CCBE1: variants seen among roughly 807,000 people sequenced by gnomAD.
The protein encoded by CCBE1 is collagen and calcium binding EGF domains 1.
A neutral mutation model predicts 50.0 loss-of-function variants in CCBE1; 37 were observed. That is an observed-to-expected ratio of 0.74 (90% CI 0.57 to 0.97). The LOEUF (loss-of-function observed/expected upper bound fraction) is 0.97. Ranked by LOEUF, CCBE1 falls within the 50% of genes least tolerant of loss-of-function variation. The probability of loss-of-function intolerance (pLI) is 0.00; values close to 1 mark genes in which losing one functional copy is unlikely to be tolerated. For missense variants in CCBE1, 538 were observed against 523.8 expected, an observed-to-expected ratio of 1.03 and a Z score of -0.26; for synonymous variants, 234 against 203.7, an observed-to-expected ratio of 1.15 and a Z score of -1.27.
At chr18:59,584,413 A>G (rs1401506046) in intron 2 of CCBE1, among the ~76,000 whole-genome samples, 3 of 151,668 alleles carry the variant, frequency 2.0e-5, no homozygotes, top group East Asian at 1.9e-4. Context: ...TGACGAGTTA[A>G]TGGGTGCAGC....
At chr18:59,560,561 A>C (rs536363529) in intron 2 of CCBE1, among the ~76,000 whole-genome samples, 1 of 152,206 alleles carries the variant, frequency 6.6e-6, no homozygotes, top group Non-Finnish European at 1.5e-5. Context: ...GCACATGTAT[A>C]CCTATGTAAC....
At chr18:59,613,268 G>T (rs538072807) in intron 2 of CCBE1, among the ~76,000 whole-genome samples, 2 of 152,158 alleles carry the variant, frequency 1.3e-5, no homozygotes, top group Non-Finnish European at 2.9e-5. Context: ...CAGTTAAGCC[G>T]TGTCAAGGTA....
chr18:59,578,486 G>A (rs191741210), intron 2 of CCBE1, among the ~76,000 whole-genome samples: 11 of 152,120 alleles, frequency 7.2e-5, no homozygotes, highest in African/African-American at 2.7e-4. Flanking sequence ...TACTATAAAG[G>A]CACATACACA....
chr18:59,446,227 G>A (rs1454164733), intron 7 of CCBE1, among the ~76,000 whole-genome samples: 1 of 152,238 alleles, frequency 6.6e-6, no homozygotes, highest in Non-Finnish European at 1.5e-5. Flanking sequence ...CAGCATTGGA[G>A]AAGAAAGCTT....
chr18:59,694,746 G>A (rs1201731289), intron 2 of CCBE1, among the ~76,000 whole-genome samples: 2 of 152,126 alleles, frequency 1.3e-5, no homozygotes, highest in African/African-American at 4.8e-5. Context: ...GTAGATTATA[G>A]AAACAGGATA....
intron 2 of CCBE1, among the ~76,000 whole-genome samples, chr18:59,695,818 C>G (rs2054796986): frequency 6.6e-6 from 1 of 152,206 alleles, no homozygotes; most frequent in Non-Finnish European, 1.5e-5. Flanking sequence ...TTACCTTGTA[C>G]AGCGCCTCTA....
Position 59,697,255 on chromosome 18 carries a change from C to T in CCBE1, c.88G>A (p.Gly30Arg), listed in dbSNP as rs1300815604. The T allele has an allele frequency of 6.5e-7, 1 of 1,549,298 alleles. No homozygotes were observed. The highest frequency in any genetic ancestry group is 8.7e-7 in the Non-Finnish European group (1 of 1,146,730). Residue 30 changes from glycine (G) to arginine (R), a missense_variant, in exon 1 of 11, where the codon GGA becomes AGA. Transcript: ENST00000439986. The stretch of plus-strand genomic sequence containing the variant: ...TCCTCTCTGTAGGTCCACGTGTGTC[C>T]CAACGCCAGGAGCAGCAGCAGCGGA... ...LGPLLLLLAL[G>R]HTWTYREEPE... is the part of the protein sequence containing the mutation.
intron 2 of CCBE1, among the ~76,000 whole-genome samples, chr18:59,508,134 GC>G (rs1913966188): frequency 6.6e-6 from 1 of 151,410 alleles, no homozygotes; most frequent in South Asian, 2.1e-4. Context: ...CTCATGATCC[GC>G]CCGCCTCGGC....
At chr18:59,494,971 T>G (rs1913279821) in intron 2 of CCBE1, among the ~76,000 whole-genome samples, 1 of 152,102 alleles carries the variant, frequency 6.6e-6, no homozygotes. Flanking sequence ...CTGGCCAACA[T>G]GGTAAAACCC....
chr18:59,670,528 C>T (rs921797546), intron 2 of CCBE1, among the ~76,000 whole-genome samples: 3 of 152,184 alleles, frequency 2.0e-5, no homozygotes, highest in African/African-American at 4.8e-5. Context: ...AGTAATAGGA[C>T]GGCCCATTGC....
intron 2 of CCBE1, among the ~76,000 whole-genome samples, chr18:59,537,401 T>C (rs950359382): frequency 9.2e-5 from 14 of 152,156 alleles, no homozygotes; most frequent in Middle Eastern, 3.2e-3. Flanking sequence ...TGAAAGATAA[T>C]TGAATCACGG....
At chr18:59,546,530 G>T (rs903138245) in intron 2 of CCBE1, among the ~76,000 whole-genome samples, 1 of 152,206 alleles carries the variant, frequency 6.6e-6, no homozygotes, top group Non-Finnish European at 1.5e-5. Context: ...TGCAGGAAAG[G>T]CCATATGAAG....
chr18:59,626,648 C>G (rs1433763401), intron 2 of CCBE1, among the ~76,000 whole-genome samples: 1 of 152,264 alleles, frequency 6.6e-6, no homozygotes, highest in African/African-American at 2.4e-5. Flanking sequence ...CCCAGAGAGG[C>G]TTATCACCTG....
intron 3 of CCBE1, 95 bp from the exon 4 acceptor site, chr18:59,469,702 C>G (rs146483021): frequency 1.3e-6 from 2 of 1,523,910 alleles, no homozygotes; most frequent in Non-Finnish European, 9.0e-7. Flanking sequence ...GGGCTCTGCT[C>G]AAGGGCACGT....
intron 2 of CCBE1, among the ~76,000 whole-genome samples, chr18:59,612,189 C>G (rs879374125): frequency 6.6e-6 from 1 of 151,812 alleles, no homozygotes; most frequent in Non-Finnish European, 1.5e-5. Flanking sequence ...AATTCTTTGG[C>G]AGAAGCACTG....
intron 2 of CCBE1, among the ~76,000 whole-genome samples, chr18:59,667,141 C>T (rs1212028017): frequency 6.6e-6 from 1 of 151,610 alleles, no homozygotes; most frequent in African/African-American, 2.4e-5. Flanking sequence ...TGGTGGCATA[C>T]GTCTATAGTC....
chr18:59,628,371 C>T (rs573700098), intron 2 of CCBE1, among the ~76,000 whole-genome samples: 11 of 152,226 alleles, frequency 7.2e-5, no homozygotes, highest in African/African-American at 2.6e-4. Flanking sequence ...TCTCTTGGGA[C>T]AAAATGGTAT....
intron 2 of CCBE1, among the ~76,000 whole-genome samples, chr18:59,492,817 G>A (rs1288605238): frequency 2.6e-5 from 4 of 152,238 alleles, no homozygotes; most frequent in Non-Finnish European, 5.9e-5. Flanking sequence ...GAGGCCCAGA[G>A]AAGATGTGGC....
intron 2 of CCBE1, among the ~76,000 whole-genome samples, chr18:59,505,545 C>G (rs2143850631): frequency 1.3e-5 from 2 of 152,270 alleles, no homozygotes; most frequent in South Asian, 4.1e-4. Context: ...TAAGGATGAG[C>G]TTTAAACTCC....
Sources: gnomAD v4.1 joint callset for allele counts (sites outside exome capture counted in the v4.1 genomes callset) on GRCh38, gnomAD v4.1.1 for gene constraint, MANE v1.5 for transcripts, NCBI Gene and HGNC (gene_info 2026-07-23, HGNC 2026-07-21) for gene names.